ADCY3: variants seen among roughly 807,000 people sequenced by gnomAD.
ADCY3 encodes adenylate cyclase 3, also known as adenylate cyclase type 3.
In ADCY3, 70 loss-of-function variants were observed where a neutral mutation model predicts 119.4. The observed-to-expected ratio is 0.59, with a 90% confidence interval of 0.48 to 0.72. The LOEUF (loss-of-function observed/expected upper bound fraction) is 0.72. Ranked by LOEUF, ADCY3 falls within the 30% of genes least tolerant of loss-of-function variation. The pLI is 0.00. For synonymous variants in ADCY3, 672 were observed against 621.4 expected (o/e 1.08, Z -1.21); for missense variants, 1,238 against 1,541.6 (o/e 0.80, Z 3.30).
chr2:24,911,217 C>CT (rs61442701), intron 2 of ADCY3, among the ~76,000 whole-genome samples: 8,233 of 93,430 alleles, frequency 0.088, 540 homozygotes, highest in African/African-American at 0.13. Context: ...TATAAGGGTT[C>CT]TTTTTTTTTT....
At chr2:24,827,874 A>C in intron 14 of ADCY3, 28 bp downstream of exon 14, 1 of 1,612,946 alleles carries the variant, frequency 6.2e-7, no homozygotes, top group South Asian at 1.1e-5. Flanking sequence ...AGGAGACAAT[A>C]CAGATCCCCA....
intron 2 of ADCY3, among the ~76,000 whole-genome samples, chr2:24,881,416 G>T (rs1294899648): frequency 6.6e-6 from 1 of 152,224 alleles, no homozygotes; most frequent in Non-Finnish European, 1.5e-5. Flanking sequence ...CAACTGAGAA[G>T]TGAATGCCAA....
intron 15 of ADCY3, chr2:24,826,760 T>TATAC (rs1668682186): frequency 1.4e-5 from 2 of 145,768 alleles, no homozygotes; most frequent in Non-Finnish European, 3.0e-5. Context: ...TATATATATA[T>TATAC]ACACATATAC....
At chr2:24,821,740 C>T (rs1004633721) in intron 19 of ADCY3, 100 bp from the exon 20 acceptor site, 2 of 1,511,804 alleles carry the variant, frequency 1.3e-6, no homozygotes, top group African/African-American at 1.4e-5. Flanking sequence ...ATTCCCTACA[C>T]CTAGATGTTC....
At position 24,821,565 on chromosome 2, in the gene ADCY3, G is replaced by C; in HGVS notation, c.3079C>G (p.Leu1027Val). 1.9e-6 allele frequency: 3 copies of C among 1,614,170 alleles called. No homozygotes were observed. Among genetic ancestry groups the C allele is most frequent in the Non-Finnish European group, 2.5e-6 (3 of 1,180,008 alleles). ...ADFALAMKDT[L>V]TNINNQSFNN... is the part of the protein sequence containing the mutation. ...AAGGACTGGTTGTTGATGTTGGTGAGCGTATCCTTCATGGCCAGCGCGAAG... is the reference window on the plus strand; with the variant it reads ...AAGGACTGGTTGTTGATGTTGGTGACCGTATCCTTCATGGCCAGCGCGAAG... Residue 1027 changes from leucine to valine, a missense_variant, in exon 20 of 22, where the codon CTC becomes GTC. This residue lies in a region of ADCY3 where 63 missense variants were observed against 62.8 expected (regional missense o/e 1.00). Coordinates refer to ENST00000679454, the MANE Select transcript of ADCY3 (RefSeq NM_004036.5).
Position 24,841,237 on chromosome 2 carries a change from C to T in ADCY3, c.1196+22G>A. The T allele has an allele frequency of 1.3e-6, 2 of 1,543,008 alleles. No homozygotes were observed. The highest frequency in any genetic ancestry group is 1.8e-6 in the Non-Finnish European group (2 of 1,142,782). On this transcript the variant is annotated intron_variant, in intron 6 of 21. Coordinates refer to ENST00000679454, the MANE Select transcript of ADCY3 (RefSeq NM_004036.5). The surrounding 1 kb of genome is among the most constrained non-coding windows in gnomAD (Gnocchi z 5.8). Reference sequence around the variant, plus strand: ...CGGGGCCCTTGCTCTGGGAGCCTCCCTCCCAGAGGCATCCCACTTACGAGA... The same window carrying T: ...CGGGGCCCTTGCTCTGGGAGCCTCCTTCCCAGAGGCATCCCACTTACGAGA...
At chr2:24,902,034 C>CTGTGTGTGTGTGTGTG (rs57980321) in intron 2 of ADCY3, among the ~76,000 whole-genome samples, 1 of 122,332 alleles carries the variant, frequency 8.2e-6, no homozygotes, top group Non-Finnish European at 1.6e-5. Flanking sequence ...CATTTTAACT[C>CTGTGTGTGTGTGTGTG]TGTGTGTGTG....
chr2:24,834,343 G>A lies in ADCY3; in HGVS notation c.1967+142C>T. On this transcript the variant is annotated intron_variant, in intron 11 of 21. Coordinates refer to ENST00000679454, the MANE Select transcript of ADCY3 (RefSeq NM_004036.5). This position sits in a 1 kb window ranked among gnomAD's most constrained non-coding sequence, Gnocchi z 4.2. ...GCCGTCTAGCACTCCTGGGGCCTGT[G>A]GGGGCCGTCCCAGTGGGGGTCAGGG... The A allele has an allele frequency of 9.6e-7, 1 of 1,045,126 alleles. No individual in the cohort carries two copies. The highest frequency in any genetic ancestry group is 1.4e-6 in the Non-Finnish European group (1 of 738,974). The allele number at this position is 1,045,126 out of a possible 1,614,324, so 64.7% of individuals were successfully genotyped here.
chr2:24,860,979 T>A (rs1673566871), intron 3 of ADCY3, among the ~76,000 whole-genome samples: 1 of 152,172 alleles, frequency 6.6e-6, no homozygotes, highest in African/African-American at 2.4e-5. Flanking sequence ...TAGCCGAGCA[T>A]GGGGCTCACG....
At position 24,918,491 on chromosome 2, in the gene ADCY3, C is replaced by A; in HGVS notation, c.497G>T (p.Ser166Ile). ...GAAGACCTGCCAGCCCACCGTGTCACTAGCCGCGTGGGCACGCGCGAAGTT... is the reference window on the plus strand; with the variant it reads ...GAAGACCTGCCAGCCCACCGTGTCAATAGCCGCGTGGGCACGCGCGAAGTT... ...GLNFARAHAASDTVGWQVFFV... is the reference protein window; with the variant it reads ...GLNFARAHAAIDTVGWQVFFV... Residue 166 changes from serine to isoleucine, a missense_variant, in exon 2 of 22, where the codon AGT becomes ATT. Around this residue, in one of 7 missense-constraint regions of ADCY3, gnomAD observed 227 missense variants for 249.3 expected, o/e 0.91. Coordinates refer to ENST00000679454, the MANE Select transcript of ADCY3 (RefSeq NM_004036.5). This position sits in a 1 kb window ranked among gnomAD's most constrained non-coding sequence, Gnocchi z 5.4. The A allele has an allele frequency of 6.2e-7, 1 of 1,613,984 alleles. No individual in the cohort carries two copies. Among genetic ancestry groups the A allele is most frequent in the South Asian group, 1.1e-5 (1 of 91,064 alleles).
At chr2:24,860,931 G>A (rs140254761) in intron 3 of ADCY3, among the ~76,000 whole-genome samples, 1 of 152,334 alleles carries the variant, frequency 6.6e-6, no homozygotes, top group East Asian at 1.9e-4. Context: ...CTGCCCTTCA[G>A]CCGCACACTC....
intron 3 of ADCY3, among the ~76,000 whole-genome samples, chr2:24,860,425 C>T (rs759188149): frequency 6.6e-6 from 1 of 152,230 alleles, no homozygotes; most frequent in Non-Finnish European, 1.5e-5. Flanking sequence ...GCACTGCCTG[C>T]GAAGCCAGAT....
intron 7 of ADCY3, chr2:24,839,034 C>G (rs1030483432): frequency 2.2e-5 from 11 of 509,926 alleles, no homozygotes; most frequent in Admixed American, 9.8e-5. Flanking sequence ...CCTCTGCCTC[C>G]CGGGTTCAAG....
chr2:24,864,574 G>A (rs1674060378), intron 3 of ADCY3, among the ~76,000 whole-genome samples: 1 of 152,210 alleles, frequency 6.6e-6, no homozygotes, highest in Non-Finnish European at 1.5e-5. Flanking sequence ...CGACGACACA[G>A]AAGAACCTTG....
At chr2:24,883,131 C>CTT (rs1558496630) in intron 2 of ADCY3, among the ~76,000 whole-genome samples, 1 of 151,258 alleles carries the variant, frequency 6.6e-6, no homozygotes, top group East Asian at 1.9e-4. Flanking sequence ...GGGCAGATCA[C>CTT]GAGGTCAGGA....
At chr2:24,846,663 C>T (rs1032764331) in intron 3 of ADCY3, among the ~76,000 whole-genome samples, 4 of 151,608 alleles carry the variant, frequency 2.6e-5, no homozygotes, top group Non-Finnish European at 5.9e-5. Context: ...ACTGCAACCT[C>T]TGCCTCCCCA....
chr2:24,890,610 A>C (rs1463605209), intron 2 of ADCY3, among the ~76,000 whole-genome samples: 1 of 151,866 alleles, frequency 6.6e-6, no homozygotes, highest in East Asian at 1.9e-4. Flanking sequence ...TCATCTTATG[A>C]CTCTCTGAGT....
At position 24,918,624 on chromosome 2, in the gene ADCY3, A is replaced by T; in HGVS notation, c.364T>A (p.Phe122Ile). ...AGCAGCCCCTTTTTGCAGAGCACGA[A>T]GAGGATGATGTCCAACACCAGTCCA... Reference protein sequence around the residue: ...GIGLVLDIILFVLCKKGLLPD... With the variant: ...GIGLVLDIILIVLCKKGLLPD... The change falls in exon 2 of 22, where the codon TTC becomes ATC. Residue 122 changes from phenylalanine (F) to isoleucine (I), a missense_variant. Around this residue, in one of 7 missense-constraint regions of ADCY3, gnomAD observed 227 missense variants for 249.3 expected, o/e 0.91. Coordinates refer to ENST00000679454, the MANE Select transcript of ADCY3 (RefSeq NM_004036.5). This position sits in a 1 kb window ranked among gnomAD's most constrained non-coding sequence, Gnocchi z 5.4. The T allele has an allele frequency of 6.2e-7, 1 of 1,614,166 alleles. No homozygotes were observed. Among genetic ancestry groups the T allele is most frequent in the Non-Finnish European group, 8.5e-7 (1 of 1,180,038 alleles).
In ADCY3 at chr2:24,899,867, G is replaced by T. The variant is rs1458356222; in HGVS notation, c.675+18446C>A. The stretch of plus-strand genomic sequence containing the variant: ...ATGAGAAGGGGAGCAAGGGAAGGAA[G>T]GAGGACTTTCACTTTTATTCTTTGT... On this transcript the variant is annotated intron_variant, in intron 2 of 21. Coordinates refer to ENST00000679454, the MANE Select transcript of ADCY3 (RefSeq NM_004036.5). This position sits in a 1 kb window ranked among gnomAD's most constrained non-coding sequence, Gnocchi z 4.5. 6.6e-6 allele frequency among the ~76,000 whole-genome samples: 1 copy of T among 152,178 alleles called. No individual in the cohort carries two copies. Among genetic ancestry groups the T allele is most frequent in the Non-Finnish European group, 1.5e-5 (1 of 68,030 alleles).
Sources: gnomAD v4.1 joint callset for allele counts (sites outside exome capture counted in the v4.1 genomes callset) on GRCh38, gnomAD v4.1.1 for gene constraint, gnomAD v4.1.1 regional missense constraint, Gnocchi (gnomAD v3.1) non-coding constraint, MANE v1.5 for transcripts, NCBI Gene and HGNC (gene_info 2026-07-23, HGNC 2026-07-21) for gene names.